Variants in AKAP6 observed in about 807,000 individuals in gnomAD.
The protein encoded by AKAP6 is A-kinase anchor protein 6.
AKAP6 carries 58 observed loss-of-function variants against 188.5 expected under a neutral mutation model. The observed-to-expected ratio is 0.31, with a 90% CI of 0.25 to 0.38. The LOEUF (loss-of-function observed/expected upper bound fraction) is 0.38, where lower values mean the gene tolerates loss of function less well. Ranked by LOEUF, AKAP6 falls within the 10% of genes least tolerant of loss-of-function variation. The probability of loss-of-function intolerance (pLI) is 1.00; values close to 1 mark genes in which losing one functional copy is unlikely to be tolerated. For synonymous variants in AKAP6, 989 were observed against 998.6 expected, an observed-to-expected ratio of 0.99 and a Z score of 0.18; for missense variants, 2,710 against 2,740.0, an observed-to-expected ratio of 0.99 and a Z score of 0.24.
intron 11 of AKAP6, among the ~76,000 whole-genome samples, chr14:32,748,204 G>A (rs2031988034): frequency 6.6e-6 from 1 of 152,222 alleles, no homozygotes; most frequent in South Asian, 2.1e-4. Flanking sequence ...ACTCAAGTAA[G>A]TATAGGATGG....
intron 12 of AKAP6, among the ~76,000 whole-genome samples, chr14:32,794,975 G>C (rs1479665298): frequency 6.6e-6 from 1 of 152,072 alleles, no homozygotes; most frequent in African/African-American, 2.4e-5. Flanking sequence ...TGACCCCACA[G>C]AAATACAACC....
intron 1 of AKAP6, among the ~76,000 whole-genome samples, chr14:32,386,859 C>T (rs57795082): frequency 2.0e-4 from 30 of 152,072 alleles, no homozygotes; most frequent in South Asian, 6.2e-4. Flanking sequence ...TTGTTGAAAA[C>T]GGTGTCCTTT....
At chr14:32,385,680 T>TGAATTCCTA (rs1036506957) in intron 1 of AKAP6, among the ~76,000 whole-genome samples, 2 of 151,586 alleles carry the variant, frequency 1.3e-5, no homozygotes, top group African/African-American at 4.8e-5. Flanking sequence ...CATTCCTGAG[T>TGAATTCCTA]TACTTCACTT....
intron 4 of AKAP6, among the ~76,000 whole-genome samples, chr14:32,556,367 G>A (rs113521964): frequency 6.6e-6 from 1 of 152,044 alleles, no homozygotes; most frequent in Non-Finnish European, 1.5e-5. Flanking sequence ...AATTGAGACA[G>A]GGTCTTGCTC....
At chr14:32,427,340 A>G (rs1293648345) in intron 1 of AKAP6, among the ~76,000 whole-genome samples, 1 of 152,206 alleles carries the variant, frequency 6.6e-6, no homozygotes, top group Non-Finnish European at 1.5e-5. Context: ...TCAGGCAGCA[A>G]TTATGGACAT....
At chr14:32,653,199 A>G (rs1453875900) in intron 7 of AKAP6, among the ~76,000 whole-genome samples, 1 of 152,186 alleles carries the variant, frequency 6.6e-6, no homozygotes, top group Admixed American at 6.6e-5. Flanking sequence ...GTCATCAAAA[A>G]TTTAGCTACC....
At chr14:32,371,286 C>G (rs904026037) in intron 1 of AKAP6, among the ~76,000 whole-genome samples, 4 of 152,164 alleles carry the variant, frequency 2.6e-5, no homozygotes, top group African/African-American at 9.7e-5. Context: ...AAAATGTACA[C>G]ATGAAGACTA....
At chr14:32,462,989 A>C (rs1891402195) in intron 2 of AKAP6, among the ~76,000 whole-genome samples, 1 of 138,142 alleles carries the variant, frequency 7.2e-6, no homozygotes, top group African/African-American at 2.5e-5. Flanking sequence ...TTAAAAAAAA[A>C]AAAAAAGACA....
At chr14:32,563,823 G>C (rs1884069524) in intron 4 of AKAP6, among the ~76,000 whole-genome samples, 1 of 152,172 alleles carries the variant, frequency 6.6e-6, no homozygotes, top group Admixed American at 6.5e-5. Flanking sequence ...GACATCTTAG[G>C]AAGTTTATAT....
At chr14:32,604,157 C>T (rs1015053719) in intron 7 of AKAP6, among the ~76,000 whole-genome samples, 1 of 152,146 alleles carries the variant, frequency 6.6e-6, no homozygotes, top group African/African-American at 2.4e-5. Context: ...GAATAACATT[C>T]GTGCTTTCCT....
chr14:32,813,534 G>A (rs1026267779), intron 12 of AKAP6, among the ~76,000 whole-genome samples: 2 of 151,942 alleles, frequency 1.3e-5, no homozygotes, highest in African/African-American at 4.8e-5. Flanking sequence ...CATAAACTCT[G>A]TTGTGATCAA....
rs377761436 is a variant in AKAP6, at chr14:32,660,932, C to A, written c.2731-17379C>A. Among the ~76,000 whole-genome samples, 869 of 101,438 alleles carry A rather than the reference C, an allele frequency of 8.6e-3. 26 individuals carry two copies. The highest frequency in any genetic ancestry group is 0.033 in the African/African-American group (787 of 23,538). 66.5% of individuals were successfully genotyped at this position (101,438 alleles called of 152,430 possible). A position where few individuals can be genotyped will look rare whatever the true frequency, so the allele number is the denominator to read the frequency against. ...ATATTTTCTTCCCCGCCACCCCCCC[C>A]CCTCCCAATTCCAGCCATTTGTCCT... is the stretch of plus-strand genomic sequence containing the variant. On this transcript the variant is annotated intron_variant, in intron 7 of 13. Transcript: ENST00000280979.
At chr14:32,548,907 GT>G (rs569310448) in intron 4 of AKAP6, among the ~76,000 whole-genome samples, 14 of 152,044 alleles carry the variant, frequency 9.2e-5, no homozygotes, top group African/African-American at 3.4e-4. Context: ...TTTTTGTTCT[GT>G]TTTTTGTTTT....
intron 7 of AKAP6, among the ~76,000 whole-genome samples, chr14:32,675,618 A>G (rs9322908): frequency 0.26 from 39,547 of 152,128 alleles, 6,694 homozygotes; most frequent in East Asian, 0.58. Context: ...TATTTTTATC[A>G]TCTCATTTGG....
At chr14:32,574,706 G>A (rs1884645591) in intron 4 of AKAP6, among the ~76,000 whole-genome samples, 2 of 152,076 alleles carry the variant, frequency 1.3e-5, no homozygotes, top group African/African-American at 2.4e-5. Flanking sequence ...TATATGTACA[G>A]ATATAACAAC....
chr14:32,555,174 ACT>A (rs1408666634), intron 4 of AKAP6, among the ~76,000 whole-genome samples: 1 of 152,226 alleles, frequency 6.6e-6, no homozygotes, highest in Non-Finnish European at 1.5e-5. Context: ...CCTCTTTGTA[ACT>A]AGACTGTAAA....
intron 7 of AKAP6, among the ~76,000 whole-genome samples, chr14:32,638,714 G>A (rs8016257): frequency 0.34 from 51,674 of 151,470 alleles, 9,974 homozygotes; most frequent in East Asian, 0.85. Flanking sequence ...AACTACCAAA[G>A]CACTGTTCTT....
At chr14:32,682,302 T>G (rs1367467601) in intron 8 of AKAP6, among the ~76,000 whole-genome samples, 1 of 151,962 alleles carries the variant, frequency 6.6e-6, no homozygotes, top group Non-Finnish European at 1.5e-5. Flanking sequence ...AGCAAGAGAG[T>G]GTGGCATGAA....
chr14:32,567,612 TTAGA>T (rs1394581207), intron 4 of AKAP6, among the ~76,000 whole-genome samples: 1 of 152,198 alleles, frequency 6.6e-6, no homozygotes. Flanking sequence ...TTTAGAGTAC[TTAGA>T]TAAACAACAA....
Sources: gnomAD v4.1 joint callset for allele counts (sites outside exome capture counted in the v4.1 genomes callset) on GRCh38, gnomAD v4.1.1 for gene constraint, MANE v1.5 for transcripts, NCBI Gene and HGNC (gene_info 2026-07-23, HGNC 2026-07-21) for gene names.